Variants in LOC128092252 observed in about 807,000 individuals in gnomAD.
chr15:50,654,652 CAA>C, the LOC128092252 span, among the ~76,000 whole-genome samples: 4 of 151,156 alleles, frequency 2.6e-5, no homozygotes, highest in African/African-American at 9.7e-5. Flanking sequence ...GAAACTATAA[CAA>C]AGAATCAAAT....
the LOC128092252 span, among the ~76,000 whole-genome samples, chr15:50,667,622 G>A: frequency 4.6e-5 from 7 of 152,282 alleles, no homozygotes; most frequent in Non-Finnish European, 1.0e-4. Context: ...CAGGAGAATC[G>A]CTTGAACCCA....
the LOC128092252 span, among the ~76,000 whole-genome samples, chr15:50,679,524 AT>A: frequency 2.2e-5 from 1 of 45,680 alleles, no homozygotes; most frequent in African/African-American, 1.0e-4. Context: ...ATATATATAT[AT>A]ATATATATAT....
chr15:50,665,552 C>CT, the LOC128092252 span, among the ~76,000 whole-genome samples: 35 of 152,152 alleles, frequency 2.3e-4, no homozygotes, highest in African/African-American at 8.4e-4. Context: ...CTTTATATAA[C>CT]TTGAGGATCC....
the LOC128092252 span, among the ~76,000 whole-genome samples, chr15:50,666,403 C>G: frequency 2.0e-5 from 3 of 151,420 alleles, no homozygotes; most frequent in Middle Eastern, 3.4e-3. Context: ...ATCATGCCAC[C>G]GTACTCCAGC....
the LOC128092252 span, among the ~76,000 whole-genome samples, chr15:50,674,897 C>G: frequency 1.3e-5 from 2 of 152,290 alleles, no homozygotes; most frequent in East Asian, 3.9e-4. Context: ...TTTCCAAGAG[C>G]TGGAAACCAG....
At chr15:50,672,207 C>T in the LOC128092252 span, among the ~76,000 whole-genome samples, 6 of 152,104 alleles carry the variant, frequency 3.9e-5, no homozygotes, top group Admixed American at 1.3e-4. Context: ...GCAACCACCA[C>T]CACACCCAGC....
the LOC128092252 span, among the ~76,000 whole-genome samples, chr15:50,667,568 A>T: frequency 1.3e-5 from 2 of 152,124 alleles, no homozygotes; most frequent in East Asian, 3.9e-4. Context: ...TTAGCTGGGA[A>T]TGGTGCCTTG....
the LOC128092252 span, chr15:50,648,849 A>C: frequency 6.2e-7 from 1 of 1,612,338 alleles, no homozygotes; most frequent in Non-Finnish European, 8.5e-7. Context: ...TTGCAGTAAA[A>C]CAAGCATGTT....
the LOC128092252 span, among the ~76,000 whole-genome samples, chr15:50,664,697 T>C: frequency 3.9e-5 from 6 of 152,186 alleles, no homozygotes; most frequent in Admixed American, 3.9e-4. Flanking sequence ...CCAGGCATGG[T>C]GGCTCACGCC....
chr15:50,655,630 G>A, the LOC128092252 span, among the ~76,000 whole-genome samples: 1 of 151,938 alleles, frequency 6.6e-6, no homozygotes, highest in African/African-American at 2.4e-5. Flanking sequence ...TTCCACACAG[G>A]AAGACAACTA....
the LOC128092252 span, among the ~76,000 whole-genome samples, chr15:50,685,948 C>A: frequency 8.5e-5 from 13 of 152,192 alleles, no homozygotes; most frequent in South Asian, 2.1e-4. Context: ...GAAAAAAGAT[C>A]TACCATCAAT....
chr15:50,676,413 A>T, the LOC128092252 span, among the ~76,000 whole-genome samples: 15 of 152,066 alleles, frequency 9.9e-5, no homozygotes, highest in Non-Finnish European at 1.9e-4. Flanking sequence ...ACCACCATAA[A>T]TTCTGGACAA....
chr15:50,671,246 C>T, the LOC128092252 span, among the ~76,000 whole-genome samples: 6 of 152,160 alleles, frequency 3.9e-5, no homozygotes, highest in African/African-American at 1.4e-4. Flanking sequence ...TACTCTCCAT[C>T]CAGAAATTGA....
chr15:50,685,825 G>A, the LOC128092252 span, among the ~76,000 whole-genome samples: 10 of 152,096 alleles, frequency 6.6e-5, no homozygotes, highest in Non-Finnish European at 1.3e-4. Flanking sequence ...ACGATCAACT[G>A]TTCTCTGGGG....
the LOC128092252 span, among the ~76,000 whole-genome samples, chr15:50,654,833 T>TAA: frequency 9.5e-5 from 14 of 147,318 alleles, no homozygotes; most frequent in Admixed American, 4.0e-4. Flanking sequence ...CCATCTCTAC[T>TAA]AAAAAAAACC....
At chr15:50,649,437 C>G in the LOC128092252 span, among the ~76,000 whole-genome samples, 1 of 92,792 alleles carries the variant, frequency 1.1e-5, no homozygotes, top group African/African-American at 4.5e-5. Flanking sequence ...GACCCCAACT[C>G]AAAAAAAAAA....
the LOC128092252 span, among the ~76,000 whole-genome samples, chr15:50,669,402 T>G: frequency 6.6e-6 from 1 of 151,586 alleles, no homozygotes; most frequent in Non-Finnish European, 1.5e-5. Flanking sequence ...GCCAGTGCAC[T>G]CCAGCCTGGG....
chr15:50,683,647 G>C, the LOC128092252 span, among the ~76,000 whole-genome samples: 7 of 152,032 alleles, frequency 4.6e-5, no homozygotes, highest in African/African-American at 1.7e-4. Flanking sequence ...CAGCAGAATC[G>C]CTTGAACCAG....
the LOC128092252 span, among the ~76,000 whole-genome samples, chr15:50,671,369 G>C: frequency 6.6e-6 from 1 of 151,990 alleles, no homozygotes; most frequent in Non-Finnish European, 1.5e-5. Flanking sequence ...GCCCATCCAG[G>C]TCACAAAAAA....
Sources: allele counts gnomAD v4.1 joint callset (sites outside exome capture counted in the v4.1 genomes callset), GRCh38; gene constraint gnomAD v4.1.1; transcripts MANE v1.5.